Variants in ZNF320 observed in about 807,000 individuals in gnomAD.
ZNF320 encodes zinc finger gene 320.
In ZNF320, 2 loss-of-function variants were observed where a neutral mutation model predicts 6.8. That is an observed-to-expected ratio of 0.29 (90% CI 0.12 to 0.93). The LOEUF is 0.93. Among genes scored for constraint, ZNF320 ranks in the 40% least tolerant of loss-of-function variants. The pLI is 0.55. For synonymous variants in ZNF320, 208 were observed against 203.2 expected (o/e 1.02, Z -0.20); for missense variants, 472 against 611.0 (o/e 0.77, Z 2.40).
chr19:52,875,787 GA>G (rs11324599), downstream of ZNF320, among the ~76,000 whole-genome samples: 10,187 of 139,048 alleles, frequency 0.073, 492 homozygotes, highest in African/African-American at 0.15. Context: ...CTCAAAAAAA[GA>G]AAAAAAAAAA....
rs777605018 is a variant in ZNF320, at chr19:52,881,674, T to C, written c.452A>G (p.His151Arg). The C allele has an allele frequency of 3.7e-6, 6 of 1,613,908 alleles. No individual in the cohort carries two copies. The highest frequency in any genetic ancestry group is 1.7e-5 in the Admixed American group (1 of 60,000). Reference protein sequence around the residue: ...ESRFHLHLRRHRRIHTGEKPY... With the variant: ...ESRFHLHLRRRRRIHTGEKPY... ...TTTCTCTCCAGTATGAATTCTCCTA[T>C]GTCTTCGCAAATGCAAATGAAATCT... The change falls in exon 6 of 6, where the codon CAT becomes CGT. Residue 151 changes from histidine (H) to arginine (R), a missense_variant. This residue lies in a region of ZNF320 where 462 missense variants were observed against 559.7 expected (regional missense o/e 0.83). Coordinates refer to ENST00000682928, the MANE Select transcript of ZNF320 (RefSeq NM_001351774.2).
chr19:52,874,507 A>G (rs547223953), downstream of ZNF320, among the ~76,000 whole-genome samples: 5 of 152,146 alleles, frequency 3.3e-5, no homozygotes, highest in Non-Finnish European at 7.3e-5. Flanking sequence ...GATAATAGCA[A>G]TCTCTGATAA....
Position 52,890,267 on chromosome 19 carries a change from T to C in ZNF320, c.-12A>G, listed in dbSNP as rs770242748. ...TGAGAAAGAGCCATCCCCGACTCCT[T>C]TGCTTTCCTCTTCCTCTTCTGGGTT... On this transcript the variant is annotated 5_prime_UTR_variant, in exon 4 of 6. Coordinates refer to ENST00000682928, the MANE Select transcript of ZNF320 (RefSeq NM_001351774.2). The C allele has an allele frequency of 4.4e-6, 7 of 1,607,110 alleles. No homozygotes were observed. The African/African-American group carries it at 6.7e-5, about 15-fold the overall frequency.
chr19:52,874,734 CTGTCA>C (rs1445621659), downstream of ZNF320, among the ~76,000 whole-genome samples: 7 of 152,040 alleles, frequency 4.6e-5, no homozygotes, highest in Non-Finnish European at 1.0e-4. Flanking sequence ...GAAGGTGGGG[CTGTCA>C]TGTCATATGG....
chr19:52,859,898 CTTTAAG>C (rs989055772), downstream of ZNF320, among the ~76,000 whole-genome samples: 4 of 145,632 alleles, frequency 2.7e-5, no homozygotes, highest in African/African-American at 5.1e-5. Flanking sequence ...AATGCCTCCT[CTTTAAG>C]TTTTTCTTTC....
exon 6 of ZNF320, chr19:52,862,493 T>C (rs928181717): frequency 1.4e-5 from 5 of 359,348 alleles, no homozygotes; most frequent in Non-Finnish European, 2.3e-5. Context: ...GCCACATTTA[T>C]CACACTTGTA....
At position 52,890,274 on chromosome 19, in the gene ZNF320, C is replaced by A; in HGVS notation, c.-19G>T. 6.2e-7 allele frequency: 1 copy of A among 1,605,956 alleles called. No homozygotes were observed. ...GAGCCATCCCCGACTCCTTTGCTTT[C>A]CTCTTCCTCTTCTGGGTTTCTTCCT... On this transcript the variant is annotated 5_prime_UTR_variant, in exon 4 of 6. Transcript: ENST00000682928.
Position 52,890,287 on chromosome 19 carries a change from T to C in ZNF320, c.-32A>G. On this transcript the variant is annotated 5_prime_UTR_variant, in exon 4 of 6. Coordinates refer to ENST00000682928, the MANE Select transcript of ZNF320 (RefSeq NM_001351774.2). ...CTCCTTTGCTTTCCTCTTCCTCTTC[T>C]GGGTTTCTTCCTCAGGTACCAAGAG... 1 of 1,605,144 alleles carries C rather than the reference T, an allele frequency of 6.2e-7. No homozygotes were observed. Among genetic ancestry groups the C allele is most frequent in the South Asian group, 1.1e-5 (1 of 91,050 alleles).
chr19:52,889,826 T>C (rs2064229465), intron 4 of ZNF320, among the ~76,000 whole-genome samples: 1 of 152,210 alleles, frequency 6.6e-6, no homozygotes, highest in Non-Finnish European at 1.5e-5. Flanking sequence ...TTTCCTATTA[T>C]TGGTCTCTCT....
intron 5 of ZNF320, among the ~76,000 whole-genome samples, chr19:52,869,635 C>T (rs1460252694): frequency 6.6e-6 from 1 of 152,088 alleles, no homozygotes; most frequent in Non-Finnish European, 1.5e-5. Flanking sequence ...CACCCAGGTT[C>T]AAGCAATTCT....
At chr19:52,864,215 C>A (rs776019417) in intron 5 of ZNF320, 18 of 180,920 alleles carry the variant, frequency 9.9e-5, no homozygotes, top group Middle Eastern at 2.7e-3. Context: ...CACCTTCACA[C>A]GAAATGAGAA....
chr19:52,867,746 G>C (rs932629922), intron 5 of ZNF320, among the ~76,000 whole-genome samples: 3 of 151,980 alleles, frequency 2.0e-5, no homozygotes, highest in African/African-American at 7.3e-5. Flanking sequence ...CGTGTAGCTG[G>C]GATTTCAGGC....
At chr19:52,903,141 A>G in the ZNF320 span, among the ~76,000 whole-genome samples, 12 of 152,146 alleles carry the variant, frequency 7.9e-5, no homozygotes, top group Admixed American at 2.6e-4. Flanking sequence ...CATTTTTTGC[A>G]TAAAAAAATT....
At chr19:52,865,518 T>C (rs1158437116) in intron 5 of ZNF320, 1 of 138,458 alleles carries the variant, frequency 7.2e-6, no homozygotes, top group Non-Finnish European at 1.5e-5. Context: ...ATTTATATAT[T>C]ATACATATAT....
chr19:52,896,396 TTTTA>T (rs1314843994), intron 1 of ZNF320, among the ~76,000 whole-genome samples: 2 of 152,180 alleles, frequency 1.3e-5, no homozygotes, highest in African/African-American at 2.4e-5. Context: ...CGGCCTTTAT[TTTTA>T]TTTATTTATT....
chr19:52,874,719 G>C (rs1466749492), downstream of ZNF320, among the ~76,000 whole-genome samples: 2 of 152,144 alleles, frequency 1.3e-5, no homozygotes, highest in Non-Finnish European at 2.9e-5. Flanking sequence ...ATCAGAGGTG[G>C]GGGTGAAGGT....
At chr19:52,884,261 A>G (rs1367545065) in intron 5 of ZNF320, among the ~76,000 whole-genome samples, 1 of 152,142 alleles carries the variant, frequency 6.6e-6, no homozygotes, top group East Asian at 1.9e-4. Flanking sequence ...TATTCTTCAG[A>G]TCGAGTCACG....
Position 52,877,805 on chromosome 19 carries a change from T to C in ZNF320, c.*2791A>G, listed in dbSNP as rs1414504041. The C allele has an allele frequency of 6.6e-6, 1 of 152,194 alleles. No individual in the cohort carries two copies. Among genetic ancestry groups the C allele is most frequent in the Admixed American group, 6.5e-5 (1 of 15,280 alleles). The allele number at this position is 152,194 out of a possible 1,614,324, so 9.4% of individuals were successfully genotyped here. ...TTTGACACACTGATACTGTTTTATA[T>C]AGATTTTTCCACAACAGTAAAGTCC... is the stretch of plus-strand genomic sequence containing the variant. On this transcript the variant is annotated 3_prime_UTR_variant, in exon 6 of 6. Coordinates refer to ENST00000682928, the MANE Select transcript of ZNF320 (RefSeq NM_001351774.2).
intron 5 of ZNF320, among the ~76,000 whole-genome samples, chr19:52,866,339 T>G (rs1177684173): frequency 6.6e-6 from 1 of 151,446 alleles, no homozygotes; most frequent in Non-Finnish European, 1.5e-5. Context: ...GGTGGGCAGA[T>G]CACCTGAGGT....
Sources: allele counts gnomAD v4.1 joint callset (sites outside exome capture counted in the v4.1 genomes callset), GRCh38; gene constraint gnomAD v4.1.1; regional missense constraint gnomAD v4.1.1; transcripts MANE v1.5; gene names NCBI Gene and HGNC (gene_info 2026-07-23, HGNC 2026-07-21).